Variants in PARN observed in about 807,000 individuals in gnomAD.
The protein encoded by PARN is poly(A)-specific ribonuclease PARN.
A neutral mutation model predicts 102.8 loss-of-function variants in PARN; 71 were observed. The ratio of observed to expected loss-of-function variants is 0.69; its 90% CI spans 0.57 to 0.84. The LOEUF is 0.84. Ranked by LOEUF, PARN falls within the 40% of genes least tolerant of loss-of-function variation. PARN has a pLI of 0.00. For synonymous variants in PARN, 261 were observed against 252.9 expected (o/e 1.03, Z -0.30); for missense variants, 782 against 760.9 (o/e 1.03, Z -0.33).
At chr16:14,609,866 T>G (rs910830404) in intron 7 of PARN, among the ~76,000 whole-genome samples, 3 of 152,192 alleles carry the variant, frequency 2.0e-5, no homozygotes, top group African/African-American at 7.2e-5. Context: ...GGACAGTGGC[T>G]GTCAGGTATT....
chr16:14,480,182 A>G (rs1963302990), intron 22 of PARN, among the ~76,000 whole-genome samples: 1 of 151,970 alleles, frequency 6.6e-6, no homozygotes, highest in African/African-American at 2.4e-5. Flanking sequence ...AAAAAACAAA[A>G]ATTACGCGGG....
chr16:14,470,484 TCTCA>T (rs1962665630), intron 22 of PARN, among the ~76,000 whole-genome samples: 2 of 149,252 alleles, frequency 1.3e-5, no homozygotes, highest in Admixed American at 1.3e-4. Context: ...TGAGACAGGG[TCTCA>T]CTCAGTCACC....
chr16:14,444,770 T>G (rs1961120346), intron 23 of PARN, among the ~76,000 whole-genome samples: 1 of 152,206 alleles, frequency 6.6e-6, no homozygotes, highest in Non-Finnish European at 1.5e-5. Context: ...AATAAAGGTA[T>G]GAAATTTGAA....
At chr16:14,478,697 T>G (rs1468335523) in intron 22 of PARN, among the ~76,000 whole-genome samples, 1 of 152,212 alleles carries the variant, frequency 6.6e-6, no homozygotes, top group Non-Finnish European at 1.5e-5. Context: ...TAGAAAACCT[T>G]ATGGAATATT....
At chr16:14,599,883 T>C (rs1324232810) in intron 12 of PARN, 21 bp downstream of exon 12, 2 of 1,537,992 alleles carry the variant, frequency 1.3e-6, no homozygotes, top group African/African-American at 1.4e-5. Flanking sequence ...GCAATCTTGC[T>C]AAAAAGTCTG....
At chr16:14,452,227 C>T (rs564572590) in intron 22 of PARN, among the ~76,000 whole-genome samples, 4 of 152,274 alleles carry the variant, frequency 2.6e-5, no homozygotes, top group African/African-American at 4.8e-5. Flanking sequence ...CCAACAAGAC[C>T]CATGCATTTG....
chr16:14,516,769 G>C (rs192744897), intron 21 of PARN, among the ~76,000 whole-genome samples: 3 of 152,308 alleles, frequency 2.0e-5, no homozygotes, highest in East Asian at 1.9e-4. Flanking sequence ...TAGGAACTGA[G>C]AGTGAGAATT....
rs548351665 is a variant in PARN at position 14,474,284 on chromosome 16, C to A, written c.1670+8354G>T. Among the ~76,000 whole-genome samples the A allele has an allele frequency of 2.6e-5, 4 of 152,306 alleles. No individual in the cohort carries two copies. In the East Asian group the frequency reaches 7.7e-4, roughly 29 times the overall value. ...CCTCCCAAAGTGCTGGGGTTACAGG[C>A]ATGCGCCACTGTGCTCAGCCAATGA... On this transcript the variant is annotated intron_variant, in intron 22 of 23. Coordinates refer to ENST00000437198, the MANE Select transcript of PARN (RefSeq NM_002582.4).
intron 16 of PARN, among the ~76,000 whole-genome samples, chr16:14,583,063 A>G (rs1447980916): frequency 6.6e-6 from 1 of 152,144 alleles, no homozygotes; most frequent in Non-Finnish European, 1.5e-5. Context: ...AATAAATCGA[A>G]CTTGCTATAA....
intron 21 of PARN, among the ~76,000 whole-genome samples, chr16:14,519,484 C>T (rs1965629425): frequency 6.6e-6 from 1 of 152,048 alleles, no homozygotes; most frequent in African/African-American, 2.4e-5. Flanking sequence ...TGAAAGGAAC[C>T]AGAGCTCTTT....
At chr16:14,545,677 A>G (rs917605558) in intron 21 of PARN, among the ~76,000 whole-genome samples, 6 of 152,184 alleles carry the variant, frequency 3.9e-5, no homozygotes, top group African/African-American at 1.4e-4. Context: ...AAAAGTAAAC[A>G]TTGGGGCAGA....
intron 13 of PARN, among the ~76,000 whole-genome samples, chr16:14,588,792 G>C (rs1205738908): frequency 3.9e-5 from 6 of 152,112 alleles, no homozygotes; most frequent in Non-Finnish European, 8.8e-5. Context: ...TGAGACATGA[G>C]AATCACTTGA....
intron 21 of PARN, among the ~76,000 whole-genome samples, chr16:14,520,856 G>A (rs1009882780): frequency 1.3e-5 from 2 of 152,176 alleles, no homozygotes; most frequent in Non-Finnish European, 2.9e-5. Flanking sequence ...GGGGTTGGGG[G>A]TGAGTACAGA....
intron 20 of PARN, among the ~76,000 whole-genome samples, chr16:14,552,842 C>T (rs1361189794): frequency 3.3e-5 from 5 of 151,448 alleles, no homozygotes; most frequent in Admixed American, 2.6e-4. Flanking sequence ...CAGCTACTCG[C>T]GAGGCTGAGG....
chr16:14,625,086 G>T (rs1276669480), intron 5 of PARN, among the ~76,000 whole-genome samples: 1 of 151,882 alleles, frequency 6.6e-6, no homozygotes, highest in African/African-American at 2.4e-5. Flanking sequence ...ATTAACCCCT[G>T]GCCAAAGCCA....
chr16:14,454,189 GA>G (rs1961583214), intron 22 of PARN, among the ~76,000 whole-genome samples: 1 of 152,128 alleles, frequency 6.6e-6, no homozygotes, highest in Non-Finnish European at 1.5e-5. Flanking sequence ...TACGCAGTTT[GA>G]AAATTTTTGG....
At chr16:14,557,798 A>G (rs542492965) in intron 18 of PARN, among the ~76,000 whole-genome samples, 5 of 152,338 alleles carry the variant, frequency 3.3e-5, no homozygotes, top group African/African-American at 1.2e-4. Flanking sequence ...AGCTGTTTTA[A>G]CCAATTTAAT....
chr16:14,497,772 A>G (rs191314146), intron 21 of PARN, among the ~76,000 whole-genome samples: 1 of 150,684 alleles, frequency 6.6e-6, no homozygotes, highest in African/African-American at 2.5e-5. Context: ...GGGCTGCACT[A>G]TTTACACTTT....
intron 21 of PARN, among the ~76,000 whole-genome samples, chr16:14,518,309 A>T: frequency 6.7e-6 from 1 of 150,326 alleles, no homozygotes; most frequent in Non-Finnish European, 1.5e-5. Flanking sequence ...AAAAAAAAAA[A>T]AAAAAAAGAC....
Sources: allele counts gnomAD v4.1 joint callset (sites outside exome capture counted in the v4.1 genomes callset), GRCh38; gene constraint gnomAD v4.1.1; transcripts MANE v1.5; gene names NCBI Gene and HGNC (gene_info 2026-07-23, HGNC 2026-07-21).